The following SMAP1 variants were observed in gnomAD, a reference collection of about 807,000 sequenced individuals.
SMAP1 encodes stromal membrane-associated protein 1.
In SMAP1, 24 loss-of-function variants were observed where a neutral mutation model predicts 58.5. The observed-to-expected ratio is 0.41, with a 90% CI of 0.30 to 0.58. The LOEUF (loss-of-function observed/expected upper bound fraction) is 0.58. Ranked by LOEUF, SMAP1 falls within the 20% of genes least tolerant of loss-of-function variation. The pLI, the probability that SMAP1 is intolerant of heterozygous loss-of-function variation, is 0.29. For missense variants in SMAP1, 563 were observed against 566.3 expected (o/e 0.99, Z 0.06); for synonymous variants, 216 against 196.6 (o/e 1.10, Z -0.82).
chr6:70,753,619 C>T (rs984257571), intron 2 of SMAP1, among the ~76,000 whole-genome samples: 6 of 152,120 alleles, frequency 3.9e-5, no homozygotes, highest in Non-Finnish European at 8.8e-5. Context: ...CGTATTAACT[C>T]TTCTTATGCT....
chr6:70,853,432 T>C (rs1232571728), intron 8 of SMAP1, among the ~76,000 whole-genome samples: 1 of 152,188 alleles, frequency 6.6e-6, no homozygotes, highest in Admixed American at 6.5e-5. Context: ...TTGTGCAGCA[T>C]AATTTTTGAG....
intron 6 of SMAP1, among the ~76,000 whole-genome samples, chr6:70,803,474 T>G (rs1331692593): frequency 6.6e-6 from 1 of 152,202 alleles, no homozygotes; most frequent in African/African-American, 2.4e-5. Context: ...TTTTGAAGGT[T>G]TTTTTGTGTC....
intron 1 of SMAP1, among the ~76,000 whole-genome samples, chr6:70,732,049 G>T (rs1421570309): frequency 6.6e-6 from 1 of 152,068 alleles, no homozygotes; most frequent in African/African-American, 2.4e-5. Context: ...ATTTAATAAA[G>T]AAATTATTTT....
intron 6 of SMAP1, among the ~76,000 whole-genome samples, chr6:70,808,528 C>G (rs1296070654): frequency 6.6e-6 from 1 of 152,194 alleles, no homozygotes; most frequent in African/African-American, 2.4e-5. Context: ...GAGAGCCAGG[C>G]TCCAGCTCCT....
chr6:70,826,934 C>CAAA lies in SMAP1; in HGVS notation c.577-9983_577-9981dup, dbSNP rs61069311. Among the ~76,000 whole-genome samples, 116 of 76,600 alleles carry CAAA rather than the reference C, an allele frequency of 1.5e-3. 2 individuals carry two copies. The highest frequency in any genetic ancestry group is 4.3e-3 in the African/African-American group (76 of 17,800). The allele number at this position is 76,600 out of a possible 152,430, so 50.3% of individuals were successfully genotyped here. ...TGGGCAACAGAGTGAAACCGTGTCTCAAAAAAAAAAAAAAAAAAAAAAAAA... is the reference window on the plus strand; with the variant it reads ...TGGGCAACAGAGTGAAACCGTGTCTCAAAAAAAAAAAAAAAAAAAAAAAAAAAA... On this transcript the variant is annotated intron_variant, in intron 6 of 10. Coordinates refer to ENST00000370455, the MANE Select transcript of SMAP1 (RefSeq NM_001044305.3).
intron 1 of SMAP1, among the ~76,000 whole-genome samples, chr6:70,703,286 A>G (rs1174585155): frequency 3.3e-5 from 5 of 152,122 alleles, no homozygotes; most frequent in African/African-American, 1.2e-4. Context: ...CATGTTGGCC[A>G]GGTTGGTCTT....
intron 6 of SMAP1, among the ~76,000 whole-genome samples, chr6:70,829,043 T>C (rs1187530363): frequency 6.6e-6 from 1 of 152,132 alleles, no homozygotes; most frequent in African/African-American, 2.4e-5. Flanking sequence ...GCACCGTGTT[T>C]CCTATTTGAC....
At chr6:70,756,828 T>C (rs950374609) in intron 3 of SMAP1, among the ~76,000 whole-genome samples, 5 of 152,092 alleles carry the variant, frequency 3.3e-5, no homozygotes, top group African/African-American at 4.8e-5. Context: ...GAAGGAACTC[T>C]TCAAGGAGAA....
intron 1 of SMAP1, among the ~76,000 whole-genome samples, chr6:70,713,990 A>G (rs1043296012): frequency 6.6e-5 from 10 of 152,038 alleles, no homozygotes; most frequent in Admixed American, 3.9e-4. Context: ...GTCATTGTGT[A>G]ATGACCTTTT....
chr6:70,836,155 C>T (rs1218325892), intron 6 of SMAP1, among the ~76,000 whole-genome samples: 1 of 152,008 alleles, frequency 6.6e-6, no homozygotes, highest in African/African-American at 2.4e-5. Flanking sequence ...TTTCATGCCG[C>T]GGATAAAGAC....
At chr6:70,788,416 A>G (rs971717197) in intron 4 of SMAP1, among the ~76,000 whole-genome samples, 6 of 151,884 alleles carry the variant, frequency 4.0e-5, no homozygotes, top group Admixed American at 6.6e-5. Flanking sequence ...AAACCTGCAC[A>G]TTGTGCGCAT....
intron 1 of SMAP1, among the ~76,000 whole-genome samples, chr6:70,724,834 A>C (rs926665626): frequency 8.6e-5 from 13 of 152,022 alleles, no homozygotes; most frequent in Admixed American, 6.6e-4. Context: ...ATTTTAAAGA[A>C]CTTTTTTCTT....
chr6:70,790,270 A>ACAG (rs1273118691), intron 4 of SMAP1, among the ~76,000 whole-genome samples: 1 of 152,058 alleles, frequency 6.6e-6, no homozygotes, highest in African/African-American at 2.4e-5. Context: ...CCTTCCAAGT[A>ACAG]GCTGGGATTA....
intron 1 of SMAP1, among the ~76,000 whole-genome samples, chr6:70,683,482 T>C (rs1766811235): frequency 6.6e-6 from 1 of 152,142 alleles, no homozygotes; most frequent in South Asian, 2.1e-4. Flanking sequence ...CATTTTTTAA[T>C]GTGCTCATTG....
At chr6:70,720,447 C>G (rs1362589446) in intron 1 of SMAP1, among the ~76,000 whole-genome samples, 2 of 152,082 alleles carry the variant, frequency 1.3e-5, no homozygotes, top group African/African-American at 4.8e-5. Context: ...AGTGGATCTA[C>G]CATTCTGGGA....
intron 3 of SMAP1, among the ~76,000 whole-genome samples, chr6:70,758,191 T>C (rs1766589005): frequency 6.6e-6 from 1 of 151,458 alleles, no homozygotes; most frequent in African/African-American, 2.4e-5. Context: ...TATGCAGCCA[T>C]AAAAAATGAT....
chr6:70,800,461 GTGTTTGCAAATACCTTAT>G (rs1768796055), intron 6 of SMAP1, among the ~76,000 whole-genome samples: 1 of 151,838 alleles, frequency 6.6e-6, no homozygotes, highest in Non-Finnish European at 1.5e-5. Flanking sequence ...TTTCAGTTAA[GTGTTTGCAAATACCTTAT>G]TTCTTCATTG....
intron 6 of SMAP1, among the ~76,000 whole-genome samples, chr6:70,810,740 A>G (rs568985890): frequency 5.8e-4 from 88 of 152,192 alleles, no homozygotes; most frequent in African/African-American, 1.9e-3. Flanking sequence ...ATGTCTGGCT[A>G]ATTTTTTAAA....
intron 7 of SMAP1, among the ~76,000 whole-genome samples, chr6:70,847,178 T>C (rs1175466821): frequency 6.6e-6 from 1 of 152,186 alleles, no homozygotes; most frequent in Middle Eastern, 3.2e-3. Context: ...AATAGAGTCA[T>C]TTGGCTCACT....
Sources: allele counts gnomAD v4.1 joint callset (sites outside exome capture counted in the v4.1 genomes callset), GRCh38; gene constraint gnomAD v4.1.1; transcripts MANE v1.5; gene names NCBI Gene and HGNC (gene_info 2026-07-23, HGNC 2026-07-21).